ASPRV1: variants seen among roughly 807,000 people sequenced by gnomAD.
ASPRV1 encodes the protein retroviral-like aspartic protease 1.
A neutral mutation model predicts 11.0 loss-of-function variants in ASPRV1; 7 were observed. The observed-to-expected ratio is 0.64, with a 90% CI of 0.36 to 1.20. The LOEUF is 1.20. Among genes scored for constraint, ASPRV1 ranks in the 50% most tolerant of loss-of-function variants. ASPRV1 has a pLI of 0.02. For missense variants in ASPRV1, 299 were observed against 320.0 expected (o/e 0.93, Z 0.50); for synonymous variants, 136 against 138.4 (o/e 0.98, Z 0.12).
the ASPRV1 span, among the ~76,000 whole-genome samples, chr2:70,040,129 G>A: frequency 0.13 from 19,399 of 152,126 alleles, 1,810 homozygotes; most frequent in South Asian, 0.25. Context: ...CTAGGTGGAG[G>A]ATGATGGTAT....
the ASPRV1 span, among the ~76,000 whole-genome samples, chr2:69,973,883 C>T: frequency 2.6e-5 from 4 of 152,304 alleles, no homozygotes; most frequent in Admixed American, 6.5e-5. Context: ...GGTTGCTGCC[C>T]ACTTCTGTGG....
chr2:70,032,569 G>A, the ASPRV1 span, among the ~76,000 whole-genome samples: 14 of 152,070 alleles, frequency 9.2e-5, no homozygotes, highest in African/African-American at 2.7e-4. Flanking sequence ...GAGGCAGGAG[G>A]ATTGCTTGAG....
the ASPRV1 span, chr2:69,941,193 G>GC: frequency 6.6e-6 from 1 of 152,122 alleles, no homozygotes; most frequent in African/African-American, 2.4e-5. Context: ...CCATCATAAC[G>GC]CAAGTGGGAA....
chr2:69,962,190 G>A (rs962613087), upstream of ASPRV1: 2 of 117,666 alleles, frequency 1.7e-5, no homozygotes, highest in Non-Finnish European at 3.8e-5. Flanking sequence ...TCTTTTTTAA[G>A]TGAGTGAGGA....
the ASPRV1 span, chr2:70,063,850 TTA>T: frequency 2.6e-5 from 4 of 152,310 alleles, no homozygotes; most frequent in African/African-American, 9.6e-5. Context: ...CCAAGATTAT[TTA>T]TGACTCTAAT....
At chr2:70,055,310 AAAAAAG>A in the ASPRV1 span, among the ~76,000 whole-genome samples, 1 of 152,080 alleles carries the variant, frequency 6.6e-6, no homozygotes, top group Non-Finnish European at 1.5e-5. Context: ...TCCGTCTCAA[AAAAAAG>A]AAAAAGACAC....
At chr2:70,083,334 T>C in the ASPRV1 span, among the ~76,000 whole-genome samples, 1 of 152,180 alleles carries the variant, frequency 6.6e-6, no homozygotes, top group Non-Finnish European at 1.5e-5. Flanking sequence ...TTCTGTAAAA[T>C]GGGCATAAGA....
At chr2:69,994,931 G>A in the ASPRV1 span, among the ~76,000 whole-genome samples, 1 of 151,980 alleles carries the variant, frequency 6.6e-6, no homozygotes, top group Non-Finnish European at 1.5e-5. Context: ...GAACCTGGAA[G>A]GCGGAGCTTG....
chr2:70,000,318 CAAAAAAA>C, the ASPRV1 span, among the ~76,000 whole-genome samples: 2 of 77,058 alleles, frequency 2.6e-5, no homozygotes, highest in African/African-American at 3.8e-5. Context: ...CCCTCATCTC[CAAAAAAA>C]AAAAAAAAAA....
At chr2:70,038,643 C>A in the ASPRV1 span, among the ~76,000 whole-genome samples, 1 of 152,118 alleles carries the variant, frequency 6.6e-6, no homozygotes, top group Admixed American at 6.5e-5. Context: ...TCTGGACACA[C>A]AGAAGTGAAC....
the ASPRV1 span, among the ~76,000 whole-genome samples, chr2:70,006,494 CAA>C: frequency 1.3e-5 from 2 of 152,054 alleles, no homozygotes; most frequent in Non-Finnish European, 2.9e-5. Flanking sequence ...CTTAGGAGAC[CAA>C]GAGGGTACAG....
At chr2:70,024,164 T>C in the ASPRV1 span, among the ~76,000 whole-genome samples, 8 of 151,506 alleles carry the variant, frequency 5.3e-5, no homozygotes, top group African/African-American at 9.7e-5. Flanking sequence ...CTTTAAAATA[T>C]AGTAAGACTA....
chr2:69,999,953 G>A, the ASPRV1 span, among the ~76,000 whole-genome samples: 1 of 152,044 alleles, frequency 6.6e-6, no homozygotes, highest in African/African-American at 2.4e-5. Context: ...GCCTTGAGTT[G>A]GCCCCGCTCG....
chr2:70,059,267 T>C, the ASPRV1 span, among the ~76,000 whole-genome samples: 1 of 151,130 alleles, frequency 6.6e-6, no homozygotes. Flanking sequence ...TTTTTTTTTT[T>C]TTTTTTATGG....
At chr2:70,067,071 T>A in the ASPRV1 span, among the ~76,000 whole-genome samples, 2 of 152,190 alleles carry the variant, frequency 1.3e-5, no homozygotes, top group South Asian at 4.1e-4. Context: ...CTAAGCATCT[T>A]ATATATATTA....
the ASPRV1 span, among the ~76,000 whole-genome samples, chr2:69,948,858 T>C: frequency 6.6e-6 from 1 of 151,436 alleles, no homozygotes; most frequent in Non-Finnish European, 1.5e-5. Flanking sequence ...CCGCGGCGGG[T>C]CCCCACCTGA....
chr2:70,021,570 G>C, the ASPRV1 span, among the ~76,000 whole-genome samples: 5 of 151,090 alleles, frequency 3.3e-5, no homozygotes, highest in Non-Finnish European at 5.9e-5. Flanking sequence ...TGCCCACCTC[G>C]GCCTCCCAGA....
At chr2:69,970,489 C>A in the ASPRV1 span, among the ~76,000 whole-genome samples, 2 of 152,142 alleles carry the variant, frequency 1.3e-5, no homozygotes, top group Non-Finnish European at 2.9e-5. Flanking sequence ...TACCTTTTCA[C>A]AAGCCACTCA....
At chr2:70,055,259 G>A in the ASPRV1 span, among the ~76,000 whole-genome samples, 34 of 152,078 alleles carry the variant, frequency 2.2e-4, no homozygotes, top group Non-Finnish European at 4.4e-4. Context: ...AGCAGAGATC[G>A]TGCCACTACA....
Sources: allele counts gnomAD v4.1 joint callset (sites outside exome capture counted in the v4.1 genomes callset), GRCh38; gene constraint gnomAD v4.1.1; transcripts MANE v1.5; gene names NCBI Gene and HGNC (gene_info 2026-07-23, HGNC 2026-07-21).